TMC1: variants seen among roughly 807,000 people sequenced by gnomAD.
The protein encoded by TMC1 is transmembrane channel-like protein 1.
In TMC1, 84 loss-of-function variants were observed where a neutral mutation model predicts 105.8. The observed-to-expected ratio is 0.79, with a 90% CI of 0.67 to 0.95. The LOEUF (loss-of-function observed/expected upper bound fraction) is 0.95. TMC1 is among the 40% of genes least tolerant of loss of function. The pLI is 0.00. For synonymous variants in TMC1, 315 were observed against 311.5 expected, an observed-to-expected ratio of 1.01 and a Z score of -0.12; for missense variants, 817 against 914.1, an observed-to-expected ratio of 0.89 and a Z score of 1.37.
intron 3 of TMC1, among the ~76,000 whole-genome samples, chr9:72,618,489 A>C (rs1330852335): frequency 6.6e-6 from 1 of 152,210 alleles, no homozygotes; most frequent in Non-Finnish European, 1.5e-5. Context: ...GACAGAAATT[A>C]TTTCAAGTGA....
intron 14 of TMC1, among the ~76,000 whole-genome samples, chr9:72,788,880 G>A (rs1196146532): frequency 1.3e-5 from 2 of 151,860 alleles, no homozygotes; most frequent in Admixed American, 6.6e-5. Flanking sequence ...GATTTTTAGA[G>A]TGAAGACTAT....
At chr9:72,733,787 T>C (rs1256466093) in intron 8 of TMC1, among the ~76,000 whole-genome samples, 2 of 152,182 alleles carry the variant, frequency 1.3e-5, no homozygotes, top group Non-Finnish European at 2.9e-5. Context: ...TCTTTTCCCT[T>C]CTTCACAATT....
At chr9:72,628,690 A>G (rs2132133673) in intron 4 of TMC1, among the ~76,000 whole-genome samples, 1 of 152,330 alleles carries the variant, frequency 6.6e-6, no homozygotes, top group African/African-American at 2.4e-5. Context: ...TAGTAATTTC[A>G]GGTCTCTAAA....
intron 1 of TMC1, among the ~76,000 whole-genome samples, chr9:72,526,978 T>C (rs1489753287): frequency 6.6e-6 from 1 of 152,214 alleles, no homozygotes; most frequent in Admixed American, 6.5e-5. Flanking sequence ...CTCAATGCCA[T>C]TTAGGCATGA....
intron 8 of TMC1, 100 bp downstream of exon 8, chr9:72,700,743 TACAC>T (rs1189207416): frequency 3.4e-5 from 5 of 145,054 alleles, no homozygotes; most frequent in East Asian, 3.2e-4. Context: ...TATATATATA[TACAC>T]ACACACACAC....
chr9:72,641,984 A>AT (rs35837539), intron 4 of TMC1, among the ~76,000 whole-genome samples: 7,700 of 151,460 alleles, frequency 0.051, 237 homozygotes, highest in Non-Finnish European at 0.062. Context: ...CTCCCGGCTA[A>AT]TTTTTTGTAT....
intron 1 of TMC1, among the ~76,000 whole-genome samples, chr9:72,554,778 T>A (rs138374210): frequency 0.013 from 2,005 of 152,326 alleles, 38 homozygotes; most frequent in African/African-American, 0.045. Context: ...CATTCCATAT[T>A]CTATAAAGAC....
At chr9:72,746,715 A>T (rs2118039444) in intron 10 of TMC1, among the ~76,000 whole-genome samples, 1 of 152,266 alleles carries the variant, frequency 6.6e-6, no homozygotes, top group East Asian at 1.9e-4. Flanking sequence ...TAAGACCTAG[A>T]TCTCTTTATT....
intron 1 of TMC1, among the ~76,000 whole-genome samples, chr9:72,543,620 TAA>T (rs975302475): frequency 1.3e-5 from 2 of 152,156 alleles, no homozygotes; most frequent in African/African-American, 4.8e-5. Context: ...CTGTCTCTAC[TAA>T]AAATACAAAA....
At chr9:72,692,245 C>G (rs1010568791) in intron 6 of TMC1, among the ~76,000 whole-genome samples, 2 of 152,166 alleles carry the variant, frequency 1.3e-5, no homozygotes, top group African/African-American at 4.8e-5. Context: ...CCAGAAAAAT[C>G]AGAATGTTGA....
rs1398655581 is a variant in TMC1 at position 72,755,090 on chromosome 9, GAGAGAGAA to G, written c.741+210_741+217del. Among the ~76,000 whole-genome samples the G allele has an allele frequency of 7.3e-3, 1,085 of 149,356 alleles. 12 individuals carry two copies. Among genetic ancestry groups the G allele is most frequent in the African/African-American group, 0.025 (1,014 of 39,854 alleles). On this transcript the variant is annotated intron_variant, in intron 12 of 23. Coordinates refer to ENST00000297784, the MANE Select transcript of TMC1 (RefSeq NM_138691.3). ...AGGGAGGGAGAGAGAGAGAGAGAGA[GAGAGAGAA>G]AGAAAGAAAGAAAGAGAAAGAAAGA...
At chr9:72,710,011 C>G (rs966040443) in intron 8 of TMC1, among the ~76,000 whole-genome samples, 8 of 152,050 alleles carry the variant, frequency 5.3e-5, no homozygotes, top group Non-Finnish European at 1.2e-4. Context: ...ACTTTTAGCA[C>G]CACCTTTGAT....
intron 1 of TMC1, among the ~76,000 whole-genome samples, chr9:72,538,909 G>A (rs772829828): frequency 6.6e-6 from 1 of 152,124 alleles, no homozygotes; most frequent in Non-Finnish European, 1.5e-5. Flanking sequence ...AACTCCAAAG[G>A]GGGAGGGTGT....
chr9:72,580,441 A>C (rs1038450737), intron 2 of TMC1, among the ~76,000 whole-genome samples: 2 of 152,142 alleles, frequency 1.3e-5, no homozygotes, highest in Admixed American at 6.5e-5. Context: ...CAGGGATCCA[A>C]CCTGGCTTTG....
At chr9:72,720,198 A>G (rs912531531) in intron 8 of TMC1, among the ~76,000 whole-genome samples, 1 of 152,218 alleles carries the variant, frequency 6.6e-6, no homozygotes, top group South Asian at 2.1e-4. Flanking sequence ...TTAATAAGTG[A>G]TAGATCCACA....
At chr9:72,573,090 T>A (rs1394635959) in intron 1 of TMC1, among the ~76,000 whole-genome samples, 5 of 152,344 alleles carry the variant, frequency 3.3e-5, no homozygotes, top group African/African-American at 1.2e-4. Context: ...CTAGTGAGGT[T>A]GAATTTTGTT....
chr9:72,538,332 A>G (rs1411617052), intron 1 of TMC1, among the ~76,000 whole-genome samples: 1 of 152,158 alleles, frequency 6.6e-6, no homozygotes, highest in East Asian at 1.9e-4. Context: ...AACTTCCTCC[A>G]CAAGAGACAA....
intron 1 of TMC1, among the ~76,000 whole-genome samples, chr9:72,530,102 C>T (rs554320463): frequency 1.3e-5 from 2 of 152,262 alleles, no homozygotes; most frequent in African/African-American, 4.8e-5. Context: ...ATGAGACAGC[C>T]TGATTGAGTT....
At chr9:72,587,513 C>T (rs1025225287) in intron 2 of TMC1, among the ~76,000 whole-genome samples, 2 of 152,192 alleles carry the variant, frequency 1.3e-5, no homozygotes, top group Non-Finnish European at 2.9e-5. Flanking sequence ...TTATTTTCTT[C>T]CTCAAGCTGT....
Sources: allele counts gnomAD v4.1 joint callset (sites outside exome capture counted in the v4.1 genomes callset), GRCh38; gene constraint gnomAD v4.1.1; transcripts MANE v1.5; gene names NCBI Gene and HGNC (gene_info 2026-07-23, HGNC 2026-07-21).